The following MCCC1 variants were observed in gnomAD, a reference collection of about 807,000 sequenced individuals.
MCCC1 encodes methylcrotonoyl-CoA carboxylase subunit alpha, mitochondrial.
A neutral mutation model predicts 83.8 loss-of-function variants in MCCC1; 64 were observed. That is an observed-to-expected ratio of 0.76 (90% CI 0.62 to 0.94). The LOEUF is 0.94. MCCC1 is among the 40% of genes least tolerant of loss of function. MCCC1 has a pLI of 0.00. For missense variants in MCCC1, 807 were observed against 904.7 expected (o/e 0.89, Z 1.39); for synonymous variants, 322 against 315.4 (o/e 1.02, Z -0.22).
chr3:183,048,639 T>C (rs1446008175), intron 9 of MCCC1, among the ~76,000 whole-genome samples: 1 of 152,240 alleles, frequency 6.6e-6, no homozygotes, highest in Non-Finnish European at 1.5e-5. Flanking sequence ...ATTAATTCAC[T>C]ATTACAGTTG....
Position 183,020,119 on chromosome 3 carries a change from C to T in MCCC1, c.1977+11G>A. ...TTACTGAACATCATTCTACAGATGT[C>T]ATGTGATTACCTTTTCAATGGTTCC... is the stretch of plus-strand genomic sequence containing the variant. On this transcript the variant is annotated intron_variant, in intron 17 of 18. Transcript: ENST00000265594. The T allele has an allele frequency of 6.3e-7, 1 of 1,592,932 alleles. No homozygotes were observed. Among genetic ancestry groups the T allele is most frequent in the African/African-American group, 1.3e-5 (1 of 74,614 alleles).
At chr3:183,060,190 G>A (rs975777741) in intron 7 of MCCC1, among the ~76,000 whole-genome samples, 8 of 151,800 alleles carry the variant, frequency 5.3e-5, no homozygotes, top group South Asian at 4.2e-4. Context: ...TTGCATTTCC[G>A]TTTGGGAAAG....
intron 15 of MCCC1, among the ~76,000 whole-genome samples, chr3:183,024,223 C>G (rs1037856119): frequency 6.6e-6 from 1 of 151,996 alleles, no homozygotes; most frequent in African/African-American, 2.4e-5. Context: ...GCACTCCAGC[C>G]TGGGTGACAA....
chr3:183,040,241 T>G (rs2108476238), intron 11 of MCCC1, among the ~76,000 whole-genome samples: 1 of 152,254 alleles, frequency 6.6e-6, no homozygotes, highest in Admixed American at 6.5e-5. Context: ...GCCAATTTAT[T>G]TTTAAGAAGA....
chr3:183,034,620 C>G (rs922534042), intron 13 of MCCC1, among the ~76,000 whole-genome samples: 5 of 152,094 alleles, frequency 3.3e-5, no homozygotes, highest in African/African-American at 9.7e-5. Flanking sequence ...GCAATCTAAA[C>G]TCTAATCCCA....
upstream of MCCC1, among the ~76,000 whole-genome samples, chr3:183,099,878 G>A (rs1353671524): frequency 6.6e-6 from 1 of 152,056 alleles, no homozygotes; most frequent in Non-Finnish European, 1.5e-5. Context: ...GTGCTCTCAG[G>A]GATGAAAAAA....
chr3:183,042,432 C>T (rs1714166701), intron 10 of MCCC1, among the ~76,000 whole-genome samples: 1 of 152,186 alleles, frequency 6.6e-6, no homozygotes, highest in African/African-American at 2.4e-5. Context: ...TTGGAGGACA[C>T]ATTGCACTTT....
intron 16 of MCCC1, 79 bp from the exon 17 acceptor site, chr3:183,020,316 G>T: frequency 8.6e-7 from 1 of 1,161,288 alleles, no homozygotes; most frequent in Non-Finnish European, 1.3e-6. Context: ...GGTAATAATT[G>T]TTTCCCAGCA....
intron 1 of MCCC1, among the ~76,000 whole-genome samples, chr3:183,105,257 T>C: frequency 6.6e-6 from 1 of 152,126 alleles, no homozygotes; most frequent in East Asian, 1.9e-4. Flanking sequence ...GGCAGGAGAA[T>C]TGCTTGAACC....
At chr3:183,070,710 G>A (rs1473512018) in intron 7 of MCCC1, among the ~76,000 whole-genome samples, 1 of 147,910 alleles carries the variant, frequency 6.8e-6, no homozygotes, top group Non-Finnish European at 1.5e-5. Flanking sequence ...TCCAGCCTGG[G>A]CAACTGAATG....
chr3:183,045,706 G>C (rs1432714365), intron 9 of MCCC1, among the ~76,000 whole-genome samples, 166 bp from the exon 10 acceptor site: 4 of 152,172 alleles, frequency 2.6e-5, no homozygotes, highest in African/African-American at 9.7e-5. Context: ...ATGAATCTTA[G>C]TCAAAAATAG....
chr3:183,101,099 G>C (rs548890893), upstream of MCCC1, among the ~76,000 whole-genome samples: 5 of 152,382 alleles, frequency 3.3e-5, no homozygotes, highest in Admixed American at 3.3e-4. Context: ...CCGGCGCTGC[G>C]CTCGATTTCT....
chr3:183,041,483 G>C, intron 11 of MCCC1, 84 bp downstream of exon 11: 1 of 1,393,774 alleles, frequency 7.2e-7, no homozygotes, highest in Non-Finnish European at 1.0e-6. Context: ...AGTTCTGTAA[G>C]ACTCAGGGAT....
chr3:183,017,373 C>T, intron 17 of MCCC1, 36 bp from the exon 18 acceptor site: 1 of 1,597,292 alleles, frequency 6.3e-7, no homozygotes, highest in Non-Finnish European at 8.6e-7. Context: ...TATTTGAAAA[C>T]ACAGAGGTCC....
At chr3:183,043,911 TAAACAC>T (rs1714319495) in intron 10 of MCCC1, among the ~76,000 whole-genome samples, 1 of 152,216 alleles carries the variant, frequency 6.6e-6, no homozygotes, top group South Asian at 2.1e-4. Flanking sequence ...TCTGGAAATA[TAAACAC>T]TCCTTCCAGA....
intron 15 of MCCC1, among the ~76,000 whole-genome samples, chr3:183,024,280 A>G (rs574674575): frequency 6.6e-6 from 1 of 152,178 alleles, no homozygotes; most frequent in African/African-American, 2.4e-5. Flanking sequence ...AAAGATTAAG[A>G]TATTATTTGT....
exon 1 of MCCC1, chr3:183,115,533 C>T (rs1335971227): frequency 6.6e-6 from 1 of 152,230 alleles, no homozygotes; most frequent in East Asian, 1.9e-4. Context: ...GTTGTCTCTT[C>T]CCCTACTTAT....
chr3:183,045,575 T>C lies in MCCC1; in HGVS notation c.956-35A>G, dbSNP rs778322156. 34 of 1,611,256 alleles carry C rather than the reference T, an allele frequency of 2.1e-5. 1 individual carries two copies. The East Asian group carries it at 4.9e-4, about 23-fold the overall frequency. ...AAAAAACAATGGTCATATTCAATAG[T>C]GTATAATCAGTAGCAAACCAAAATC... is the stretch of plus-strand genomic sequence containing the variant. On this transcript the variant is annotated intron_variant, in intron 9 of 18. Coordinates refer to ENST00000265594, the MANE Select transcript of MCCC1 (RefSeq NM_020166.5).
intron 17 of MCCC1, among the ~76,000 whole-genome samples, chr3:183,018,752 G>A (rs1180640475): frequency 6.6e-6 from 1 of 152,220 alleles, no homozygotes; most frequent in African/African-American, 2.4e-5. Flanking sequence ...GAAGAGGGAT[G>A]AGGGTCTTGA....
Sources: allele counts gnomAD v4.1 joint callset (sites outside exome capture counted in the v4.1 genomes callset), GRCh38; gene constraint gnomAD v4.1.1; transcripts MANE v1.5; gene names NCBI Gene and HGNC (gene_info 2026-07-23, HGNC 2026-07-21).